The following LDB2 variants were observed in gnomAD, a reference collection of about 807,000 sequenced individuals.
The protein encoded by LDB2 is LIM domain binding 2.
In LDB2, 12 loss-of-function variants were observed where a neutral mutation model predicts 44.3. The observed-to-expected ratio is 0.27, with a 90% CI of 0.17 to 0.44. LDB2 has a LOEUF of 0.44. Ranked by LOEUF, LDB2 falls within the 20% of genes least tolerant of loss-of-function variation. The pLI, the probability that LDB2 is intolerant of heterozygous loss-of-function variation, is 1.00. For synonymous variants in LDB2, 164 were observed against 174.8 expected, an observed-to-expected ratio of 0.94 and a Z score of 0.49; for missense variants, 344 against 473.5, an observed-to-expected ratio of 0.73 and a Z score of 2.54.
intron 1 of LDB2, among the ~76,000 whole-genome samples, chr4:16,778,569 G>T (rs1443482891): frequency 1.3e-5 from 2 of 152,150 alleles, no homozygotes; most frequent in Non-Finnish European, 2.9e-5. Context: ...AGAAGACAAG[G>T]TCAGTGTTCA....
rs571660428 is a variant in LDB2, at chr4:16,766,146, C to A, written c.133-6886G>T. 5.9e-5 allele frequency among the ~76,000 whole-genome samples: 9 copies of A among 152,160 alleles called. No homozygotes were observed. The South Asian group carries it at 1.7e-3, about 28-fold the overall frequency. The stretch of plus-strand genomic sequence containing the variant: ...AAATGTTCTGGGTCACCATATCCTA[C>A]TCTGTTTTTCTCTCTCCTCTCTCAG... On this transcript the variant is annotated intron_variant, in intron 1 of 7. Transcript: ENST00000304523.
intron 2 of LDB2, among the ~76,000 whole-genome samples, chr4:16,738,804 C>G (rs987076484): frequency 6.6e-6 from 1 of 152,168 alleles, no homozygotes; most frequent in African/African-American, 2.4e-5. Context: ...CATTTGCAGT[C>G]CCATATTGAA....
chr4:16,804,150 C>A (rs1266191402), intron 1 of LDB2, among the ~76,000 whole-genome samples: 1 of 152,174 alleles, frequency 6.6e-6, no homozygotes, highest in African/African-American at 2.4e-5. Context: ...GAGAGTCTCA[C>A]TCTATGTCCC....
chr4:16,622,133 T>G (rs1729054804), intron 2 of LDB2, among the ~76,000 whole-genome samples: 1 of 152,204 alleles, frequency 6.6e-6, no homozygotes, highest in South Asian at 2.1e-4. Flanking sequence ...TTGCGGCCAG[T>G]GAATAATCAG....
At chr4:16,723,298 T>C (rs780893574) in intron 2 of LDB2, among the ~76,000 whole-genome samples, 1 of 152,156 alleles carries the variant, frequency 6.6e-6, no homozygotes, top group Admixed American at 6.5e-5. Context: ...TCCAAGGACA[T>C]GGTGCCAGCA....
chr4:16,897,918 A>ACACATATG (rs1247208472), intron 1 of LDB2, among the ~76,000 whole-genome samples: 1 of 17,480 alleles, frequency 5.7e-5, no homozygotes, highest in African/African-American at 3.9e-4. Context: ...ATATATATAT[A>ACACATATG]TATATATATA....
At chr4:16,812,820 T>C (rs988399191) in intron 1 of LDB2, among the ~76,000 whole-genome samples, 5 of 151,952 alleles carry the variant, frequency 3.3e-5, no homozygotes, top group African/African-American at 1.2e-4. Flanking sequence ...ACAACGATAA[T>C]TGTATTCACC....
intron 1 of LDB2, among the ~76,000 whole-genome samples, chr4:16,878,796 G>T (rs1719180615): frequency 6.6e-6 from 1 of 152,122 alleles, no homozygotes; most frequent in Non-Finnish European, 1.5e-5. Context: ...GGCATCGCAT[G>T]TCCAATTTTT....
At chr4:16,823,449 A>C (rs1425673000) in intron 1 of LDB2, among the ~76,000 whole-genome samples, 1 of 152,206 alleles carries the variant, frequency 6.6e-6, no homozygotes, top group Non-Finnish European at 1.5e-5. Context: ...TCTTAAATTC[A>C]ATTTCCCTGA....
rs115079989 is a variant in LDB2, at chr4:16,552,935, T to C, written c.615+32987A>G. On this transcript the variant is annotated intron_variant, in intron 5 of 7. Coordinates refer to ENST00000304523, the MANE Select transcript of LDB2 (RefSeq NM_001290.5). ...GCTTGGGCAGGTTGCAGCCAGAAGG[T>C]GGAAGTCAGTGACTCCACCACAGGG... Among the ~76,000 whole-genome samples the C allele has an allele frequency of 2.4e-3, 359 of 152,246 alleles. 1 individual carries two copies. Among genetic ancestry groups the C allele is most frequent in the African/African-American group, 8.5e-3 (352 of 41,536 alleles).
At chr4:16,891,451 T>C (rs1723378242) in intron 1 of LDB2, among the ~76,000 whole-genome samples, 1 of 151,724 alleles carries the variant, frequency 6.6e-6, no homozygotes, top group African/African-American at 2.4e-5. Context: ...TAGCTGAGAC[T>C]ACAGGCGTGT....
chr4:16,759,362 A>T (rs2109210064), intron 1 of LDB2, 102 bp from the exon 2 acceptor site: 3 of 841,232 alleles, frequency 3.6e-6, no homozygotes, highest in East Asian at 2.6e-5. Flanking sequence ...CTCCTTGCTC[A>T]TTACTTCGCG....
chr4:16,777,693 TTC>T, intron 1 of LDB2, among the ~76,000 whole-genome samples: 1 of 152,224 alleles, frequency 6.6e-6, no homozygotes, highest in South Asian at 2.1e-4. Context: ...AGTAAATTCC[TTC>T]TCTCTTCTGG....
chr4:16,608,564 G>T (rs1044718656), intron 2 of LDB2, among the ~76,000 whole-genome samples: 4 of 152,198 alleles, frequency 2.6e-5, no homozygotes, highest in African/African-American at 9.6e-5. Flanking sequence ...TTCTGAAATG[G>T]CCCTGGTCAA....
chr4:16,759,147 T>C lies in LDB2; in HGVS notation c.235+11A>G. 7 of 1,588,032 alleles carry C rather than the reference T, an allele frequency of 4.4e-6. No individual in the cohort carries two copies. Among genetic ancestry groups the C allele is most frequent in the Non-Finnish European group, 6.1e-6 (7 of 1,156,542 alleles). On this transcript the variant is annotated intron_variant, in intron 2 of 7. Coordinates refer to ENST00000304523, the MANE Select transcript of LDB2 (RefSeq NM_001290.5). ...ACGAGGTAATATTAGAAAAATAAAC[T>C]TCTTTCTTACTGTATCGCTTTGGTC...
At chr4:16,766,972 T>C (rs1352886543) in intron 1 of LDB2, among the ~76,000 whole-genome samples, 1 of 152,240 alleles carries the variant, frequency 6.6e-6, no homozygotes, top group Non-Finnish European at 1.5e-5. Flanking sequence ...GTAGTTTCCT[T>C]TTGTGTTTAT....
intron 1 of LDB2, among the ~76,000 whole-genome samples, chr4:16,782,971 A>T (rs1408155412): frequency 1.3e-5 from 2 of 152,210 alleles, no homozygotes; most frequent in African/African-American, 4.8e-5. Flanking sequence ...AACTGGATTT[A>T]CTTTAGTTAA....
At chr4:16,654,563 T>C (rs1739238043) in intron 2 of LDB2, among the ~76,000 whole-genome samples, 1 of 152,326 alleles carries the variant, frequency 6.6e-6, no homozygotes, top group Admixed American at 6.5e-5. Flanking sequence ...AAATGTGTTG[T>C]GGGACTCAAA....
At chr4:16,511,936 C>A in intron 6 of LDB2, 45 bp downstream of exon 6, 1 of 1,576,356 alleles carries the variant, frequency 6.3e-7, no homozygotes, top group South Asian at 1.2e-5. Context: ...CTGGAAGACA[C>A]CTCTGAAAAC....
Sources: allele counts gnomAD v4.1 joint callset (sites outside exome capture counted in the v4.1 genomes callset), GRCh38; gene constraint gnomAD v4.1.1; transcripts MANE v1.5; gene names NCBI Gene and HGNC (gene_info 2026-07-23, HGNC 2026-07-21).